Variants in EYS observed in about 807,000 individuals in gnomAD.
The protein encoded by EYS is protein eyes shut homolog.
EYS carries 250 observed loss-of-function variants against 282.1 expected under a neutral mutation model. That is an observed-to-expected ratio of 0.89 (90% CI 0.80 to 0.98). The LOEUF (loss-of-function observed/expected upper bound fraction) is 0.98. Among genes scored for constraint, EYS ranks in the 50% least tolerant of loss-of-function variants. The pLI, the probability that EYS is intolerant of heterozygous loss-of-function variation, is 0.00. For synonymous variants in EYS, 1,355 were observed against 1,282.9 expected (o/e 1.06, Z -1.20); for missense variants, 4,016 against 3,709.0 (o/e 1.08, Z -2.15).
chr6:64,168,194 G>A (rs972513536), intron 31 of EYS, among the ~76,000 whole-genome samples: 1 of 152,186 alleles, frequency 6.6e-6, no homozygotes, highest in African/African-American at 2.4e-5. Flanking sequence ...CCGGGAGGGG[G>A]AGCTTGCAGT....
intron 2 of EYS, among the ~76,000 whole-genome samples, chr6:65,606,691 T>C (rs971678273): frequency 6.6e-6 from 1 of 151,872 alleles, no homozygotes; most frequent in African/African-American, 2.4e-5. Flanking sequence ...ACATTTAAAA[T>C]TACTTAAATG....
At chr6:65,532,764 C>T (rs995483091) in intron 2 of EYS, among the ~76,000 whole-genome samples, 3 of 151,924 alleles carry the variant, frequency 2.0e-5, no homozygotes, top group Non-Finnish European at 4.4e-5. Context: ...TACTAAAAAG[C>T]TTTAGAGTAA....
At chr6:65,400,144 G>A (rs1766438721) in intron 7 of EYS, among the ~76,000 whole-genome samples, 1 of 152,032 alleles carries the variant, frequency 6.6e-6, no homozygotes, top group South Asian at 2.1e-4. Flanking sequence ...CACTTTTGTA[G>A]ACGGAAAGCA....
chr6:63,966,856 C>A (rs568621154), intron 35 of EYS, among the ~76,000 whole-genome samples: 45 of 152,292 alleles, frequency 3.0e-4, no homozygotes, highest in South Asian at 6.2e-4. Flanking sequence ...AGGGGTTTAT[C>A]TGGCAATAAT....
intron 12 of EYS, among the ~76,000 whole-genome samples, chr6:65,178,347 C>T (rs907808720): frequency 6.6e-6 from 1 of 151,962 alleles, no homozygotes; most frequent in African/African-American, 2.4e-5. Flanking sequence ...AATTCCTTTA[C>T]TACCCAGGCG....
intron 35 of EYS, among the ~76,000 whole-genome samples, chr6:63,912,757 G>A (rs936465268): frequency 3.3e-5 from 5 of 151,990 alleles, no homozygotes; most frequent in Admixed American, 6.6e-5. Flanking sequence ...AGATCTGGTC[G>A]TTTAGAAGTG....
At chr6:64,179,191 TAC>T (rs1211339131) in intron 31 of EYS, among the ~76,000 whole-genome samples, 1 of 152,026 alleles carries the variant, frequency 6.6e-6, no homozygotes, top group Non-Finnish European at 1.5e-5. Flanking sequence ...TTCCTTTGGG[TAC>T]AGTTTCTACT....
chr6:63,760,411 T>C (rs1456170149), intron 41 of EYS, among the ~76,000 whole-genome samples: 1 of 152,048 alleles, frequency 6.6e-6, no homozygotes, highest in African/African-American at 2.4e-5. Flanking sequence ...TTGCAAAATG[T>C]GTGAACCAGA....
At chr6:63,820,915 G>C (rs1212848256) in intron 36 of EYS, among the ~76,000 whole-genome samples, 3 of 151,988 alleles carry the variant, frequency 2.0e-5, no homozygotes, top group Non-Finnish European at 4.4e-5. Flanking sequence ...ATTTTCACTA[G>C]GTATTGGTGG....
intron 29 of EYS, among the ~76,000 whole-genome samples, chr6:64,373,449 C>T (rs1019340895): frequency 6.6e-6 from 1 of 152,162 alleles, no homozygotes; most frequent in African/African-American, 2.4e-5. Flanking sequence ...CCCTAAACTG[C>T]TGTCTGTGTG....
intron 26 of EYS, among the ~76,000 whole-genome samples, chr6:64,534,124 C>A (rs1764441348): frequency 6.6e-6 from 1 of 151,446 alleles, no homozygotes; most frequent in African/African-American, 2.4e-5. Context: ...AATCATCAAA[C>A]CTAAACCCTT....
chr6:64,262,463 A>G (rs1347836996), intron 30 of EYS, among the ~76,000 whole-genome samples: 2 of 151,932 alleles, frequency 1.3e-5, no homozygotes, highest in Admixed American at 6.6e-5. Context: ...TCCTTTAAAA[A>G]TCACAAGTTC....
chr6:65,657,461 A>C (rs910458454), intron 1 of EYS, among the ~76,000 whole-genome samples: 2 of 151,926 alleles, frequency 1.3e-5, no homozygotes, highest in African/African-American at 2.4e-5. Flanking sequence ...TCCAAATCTC[A>C]TAGATGACAT....
intron 22 of EYS, among the ~76,000 whole-genome samples, chr6:64,764,158 T>C (rs545181474): frequency 6.6e-6 from 1 of 152,320 alleles, no homozygotes; most frequent in African/African-American, 2.4e-5. Flanking sequence ...GTGGGGACAC[T>C]ATGTGGGGGC....
intron 31 of EYS, among the ~76,000 whole-genome samples, chr6:64,148,292 C>A (rs921684844): frequency 2.0e-5 from 3 of 152,024 alleles, no homozygotes; most frequent in Admixed American, 6.6e-5. Context: ...TATGAAATAT[C>A]ATTGCTAAGT....
At chr6:64,165,415 C>A (rs1214597882) in intron 31 of EYS, among the ~76,000 whole-genome samples, 1 of 151,790 alleles carries the variant, frequency 6.6e-6, no homozygotes, top group African/African-American at 2.4e-5. Context: ...TTCAATGAAA[C>A]CTTAAACTGT....
At chr6:64,171,722 AT>A in intron 31 of EYS, among the ~76,000 whole-genome samples, 2 of 152,316 alleles carry the variant, frequency 1.3e-5, no homozygotes, top group Admixed American at 1.3e-4. Flanking sequence ...ATCTCCATAG[AT>A]TAAAAAAAAG....
intron 12 of EYS, among the ~76,000 whole-genome samples, chr6:65,093,444 C>T (rs1030387240): frequency 1.3e-5 from 2 of 151,710 alleles, no homozygotes; most frequent in African/African-American, 4.8e-5. Flanking sequence ...CTAAGCATAA[C>T]CACAAAAATA....
chr6:64,069,875 G>A (rs924520830), intron 32 of EYS, among the ~76,000 whole-genome samples: 1 of 151,968 alleles, frequency 6.6e-6, no homozygotes, highest in Admixed American at 6.6e-5. Context: ...ATCATTACAT[G>A]TTAACCTAAA....
Sources: allele counts gnomAD v4.1 joint callset (sites outside exome capture counted in the v4.1 genomes callset), GRCh38; gene constraint gnomAD v4.1.1; transcripts MANE v1.5; gene names NCBI Gene and HGNC (gene_info 2026-07-23, HGNC 2026-07-21).